Variants in PCDH15 observed in about 807,000 individuals in gnomAD.
PCDH15 encodes protocadherin-15.
Under a neutral mutation model 178.5 loss-of-function variants are expected in PCDH15, and 129 were observed. That is an observed-to-expected ratio of 0.72 (90% CI 0.63 to 0.84). The LOEUF (loss-of-function observed/expected upper bound fraction) is 0.84, where lower values mean the gene tolerates loss of function less well. PCDH15 is among the 40% of genes least tolerant of loss of function. PCDH15 has a pLI of 0.00. For missense variants in PCDH15, 2,230 were observed against 2,099.9 expected (o/e 1.06, Z -1.21); for synonymous variants, 800 against 732.0 (o/e 1.09, Z -1.50).
chr10:54,082,030 C>CT (rs2094443923), intron 16 of PCDH15, among the ~76,000 whole-genome samples: 2 of 152,122 alleles, frequency 1.3e-5, no homozygotes, highest in African/African-American at 4.8e-5. Context: ...GGCATTTTGA[C>CT]TTGTCTTTAT....
chr10:54,823,833 G>A (rs983906077), intron 3 of PCDH15, among the ~76,000 whole-genome samples: 5 of 152,060 alleles, frequency 3.3e-5, no homozygotes, highest in Non-Finnish European at 7.4e-5. Flanking sequence ...AATTGTTCTT[G>A]AAATCATACA....
At chr10:54,183,059 G>T (rs146745942) in intron 13 of PCDH15, among the ~76,000 whole-genome samples, 1 of 151,700 alleles carries the variant, frequency 6.6e-6, no homozygotes, top group Non-Finnish European at 1.5e-5. Context: ...TCAGCTCACC[G>T]CAACCTTGGC....
At chr10:54,820,319 C>A (rs1027366763) in intron 3 of PCDH15, among the ~76,000 whole-genome samples, 1 of 151,970 alleles carries the variant, frequency 6.6e-6, no homozygotes. Context: ...AAGAAAGTTT[C>A]GTTTTTTAGA....
At chr10:54,725,550 A>G (rs1018920681) in intron 1 of PCDH15, among the ~76,000 whole-genome samples, 4 of 127,300 alleles carry the variant, frequency 3.1e-5, no homozygotes, top group African/African-American at 1.0e-4. Context: ...TTATATATAT[A>G]ATTATATATA....
intron 3 of PCDH15, among the ~76,000 whole-genome samples, chr10:54,413,620 C>G (rs985898431): frequency 6.6e-6 from 1 of 151,990 alleles, no homozygotes; most frequent in Non-Finnish European, 1.5e-5. Context: ...TTTAAAAAAG[C>G]CTTTTTGGGA....
chr10:54,250,575 G>A (rs1455114170), intron 8 of PCDH15, among the ~76,000 whole-genome samples: 1 of 151,966 alleles, frequency 6.6e-6, no homozygotes, highest in Non-Finnish European at 1.5e-5. Flanking sequence ...GAGCCACCGC[G>A]CCCGGCTTAT....
intron 1 of PCDH15, among the ~76,000 whole-genome samples, chr10:54,696,920 A>G (rs2095236336): frequency 1.3e-5 from 2 of 152,010 alleles, no homozygotes; most frequent in Non-Finnish European, 2.9e-5. Flanking sequence ...CCTGACCATC[A>G]GGCTGTCATC....
At chr10:53,964,238 C>T (rs1416701474) in intron 21 of PCDH15, among the ~76,000 whole-genome samples, 3 of 151,902 alleles carry the variant, frequency 2.0e-5, no homozygotes, top group South Asian at 2.1e-4. Flanking sequence ...TATGTATTTA[C>T]TTGTTTACTG....
intron 2 of PCDH15, among the ~76,000 whole-genome samples, chr10:55,144,673 GT>G (rs1318653611): frequency 2.0e-5 from 3 of 152,042 alleles, no homozygotes; most frequent in African/African-American, 4.8e-5. Context: ...AAAAGTCATT[GT>G]TTTTTGCAGA....
intron 20 of PCDH15, among the ~76,000 whole-genome samples, chr10:54,015,170 C>A (rs1490635493): frequency 4.3e-5 from 6 of 140,304 alleles, no homozygotes; most frequent in African/African-American, 1.6e-4. Context: ...AATAGTTACA[C>A]AAAAAAGTAC....
chr10:55,482,222 T>C (rs1309461940), intron 2 of PCDH15, among the ~76,000 whole-genome samples: 2 of 151,914 alleles, frequency 1.3e-5, no homozygotes, highest in Non-Finnish European at 2.9e-5. Context: ...TTTGTGTCAT[T>C]GCATGAGAGA....
intron 25 of PCDH15, among the ~76,000 whole-genome samples, chr10:53,933,211 A>G (rs1394515682): frequency 2.6e-5 from 4 of 151,768 alleles, no homozygotes; most frequent in Non-Finnish European, 4.4e-5. Context: ...TTTAGGGTAT[A>G]TGTGCACAAC....
intron 2 of PCDH15, among the ~76,000 whole-genome samples, chr10:55,395,662 A>C (rs572764281): frequency 8.5e-5 from 13 of 152,222 alleles, no homozygotes; most frequent in Non-Finnish European, 1.9e-4. Flanking sequence ...TCAAGCAGGT[A>C]AGCAAGTTTG....
intron 26 of PCDH15, among the ~76,000 whole-genome samples, chr10:53,882,919 T>A (rs10825148): frequency 0.64 from 97,488 of 151,804 alleles, 31,878 homozygotes; most frequent in Middle Eastern, 0.78. Flanking sequence ...CTTCTTGCTT[T>A]TTAGAAAAAT....
At chr10:55,126,982 T>C (rs1348277475) in intron 2 of PCDH15, among the ~76,000 whole-genome samples, 3 of 152,022 alleles carry the variant, frequency 2.0e-5, no homozygotes, top group Non-Finnish European at 4.4e-5. Context: ...TTGTTCCACA[T>C]TCCTCTTTCC....
At chr10:54,888,635 T>A (rs1231472439) in intron 3 of PCDH15, among the ~76,000 whole-genome samples, 2 of 151,874 alleles carry the variant, frequency 1.3e-5, no homozygotes, top group African/African-American at 4.8e-5. Context: ...TCCAAAAAAA[T>A]TGTGTAATTT....
At chr10:55,571,958 G>A (rs376127953) in intron 2 of PCDH15, among the ~76,000 whole-genome samples, 9 of 152,016 alleles carry the variant, frequency 5.9e-5, no homozygotes, top group Non-Finnish European at 8.8e-5. Context: ...TATATGCCAC[G>A]TGTCTTGCTA....
upstream of PCDH15, among the ~76,000 whole-genome samples, chr10:54,803,485 G>T (rs530254170): frequency 2.0e-5 from 3 of 152,252 alleles, no homozygotes; most frequent in African/African-American, 7.2e-5. Context: ...AAAAGCTTGT[G>T]AGCCTTTGTG....
At chr10:55,098,400 T>G (rs1842492580) in intron 2 of PCDH15, among the ~76,000 whole-genome samples, 1 of 152,166 alleles carries the variant, frequency 6.6e-6, no homozygotes, top group Admixed American at 6.6e-5. Flanking sequence ...GTTTTCCTTT[T>G]AATGAAAAGC....
Sources: gnomAD v4.1 joint callset for allele counts (sites outside exome capture counted in the v4.1 genomes callset) on GRCh38, gnomAD v4.1.1 for gene constraint, MANE v1.5 for transcripts, NCBI Gene and HGNC (gene_info 2026-07-23, HGNC 2026-07-21) for gene names.